Variants in IMMT observed in about 807,000 individuals in gnomAD.
IMMT encodes the protein MICOS complex subunit MIC60.
In IMMT, 40 loss-of-function variants were observed where a neutral mutation model predicts 92.7. That is an observed-to-expected ratio of 0.43 (90% CI 0.34 to 0.56). The LOEUF is 0.56. Ranked by LOEUF, IMMT falls within the 20% of genes least tolerant of loss-of-function variation. The pLI is 0.03. For synonymous variants in IMMT, 322 were observed against 336.1 expected, an observed-to-expected ratio of 0.96 and a Z score of 0.46; for missense variants, 831 against 912.1, an observed-to-expected ratio of 0.91 and a Z score of 1.14.
At chr2:86,185,134 T>C (rs113324637) in intron 1 of IMMT, among the ~76,000 whole-genome samples, 5,297 of 151,704 alleles carry the variant, frequency 0.035, 220 homozygotes, top group East Asian at 0.23. Context: ...GAGCCGAGAT[T>C]GCGCCAGCCT....
chr2:86,184,914 C>T (rs13403007), intron 1 of IMMT, among the ~76,000 whole-genome samples: 6,514 of 152,218 alleles, frequency 0.043, 493 homozygotes, highest in African/African-American at 0.15. Context: ...GTAGGCCAGG[C>T]GCGATGGCTT....
At position 86,144,337 on chromosome 2, in the gene IMMT, C is replaced by CT; in HGVS notation, c.2207dup (p.Ile737AspfsTer44). On this transcript the variant is annotated frameshift_variant, in exon 15 of 15. Coordinates refer to ENST00000410111, the MANE Select transcript of IMMT (RefSeq NM_006839.3). LOFTEE classifies it high-confidence loss of function. ...CATATGCTGTCAGGATTTCCACTAT[C>CT]TGTTTCGTTTCTAGGGTCATTCGGG... 6.2e-7 allele frequency: 1 copy of CT among 1,614,000 alleles called. No individual in the cohort carries two copies. The highest frequency in any genetic ancestry group is 2.2e-5 in the East Asian group (1 of 44,880).
At chr2:86,189,749 A>C (rs1278664795) in intron 1 of IMMT, among the ~76,000 whole-genome samples, 2 of 152,214 alleles carry the variant, frequency 1.3e-5, no homozygotes, top group Admixed American at 1.3e-4. Context: ...GCAGTTCTAC[A>C]TTTGAAATAT....
At position 86,144,593 on chromosome 2, in the gene IMMT, G is replaced by T; in HGVS notation, c.1952C>A (p.Thr651Asn). The T allele has an allele frequency of 6.2e-7, 1 of 1,614,006 alleles. No homozygotes were observed. The highest frequency in any genetic ancestry group is 8.5e-7 in the Non-Finnish European group (1 of 1,179,910). Residue 651 changes from threonine (T) to asparagine (N), a missense_variant, in exon 15 of 15, where the codon ACC becomes AAC. Thr to Asn is a moderately conservative substitution (Grantham distance 65). Coordinates refer to ENST00000410111, the MANE Select transcript of IMMT (RefSeq NM_006839.3). ...GAAGTACTGGTACAAGCTATTTCTG[G>T]TTTCATCAATCATTGCTACCCTTCG... ...LARRVAMIDE[T>N]RNSLYQYFLS...
chr2:86,178,534 GAGA>G (rs1677604369), intron 3 of IMMT, among the ~76,000 whole-genome samples: 1 of 151,884 alleles, frequency 6.6e-6, no homozygotes, highest in Non-Finnish European at 1.5e-5. Context: ...GCTGAGGCAG[GAGA>G]ATCGCTTGAA....
Position 86,175,343 on chromosome 2 carries a change from A to C in IMMT, c.310-1582T>G, listed in dbSNP as rs184854836. Among the ~76,000 whole-genome samples the C allele has an allele frequency of 1.8e-4, 27 of 152,266 alleles. No homozygotes were observed. The East Asian group carries it at 5.2e-3, about 29-fold the overall frequency. On this transcript the variant is annotated intron_variant, in intron 3 of 14. Transcript: ENST00000410111. Reference sequence around the variant, plus strand: ...GTGTATATAGACACATCATAAAAACATCATTTCTCTCTAATATATACATAT... The same window carrying C: ...GTGTATATAGACACATCATAAAAACCTCATTTCTCTCTAATATATACATAT...
chr2:86,147,227 C>T (rs891798460), intron 13 of IMMT, among the ~76,000 whole-genome samples: 8 of 152,178 alleles, frequency 5.3e-5, no homozygotes, highest in East Asian at 1.9e-4. Context: ...ACATACATCG[C>T]GATTCTCTGG....
At chr2:86,164,427 C>A (rs911667102) in intron 7 of IMMT, among the ~76,000 whole-genome samples, 1 of 151,876 alleles carries the variant, frequency 6.6e-6, no homozygotes, top group Non-Finnish European at 1.5e-5. Context: ...TGGTGGCTTA[C>A]GCCTATAATC....
At chr2:86,189,265 C>T (rs1271750299) in intron 1 of IMMT, among the ~76,000 whole-genome samples, 4 of 151,360 alleles carry the variant, frequency 2.6e-5, no homozygotes, top group East Asian at 3.9e-4. Context: ...GATGGAGTCT[C>T]GCTGTGACAC....
At chr2:86,145,026 C>T (rs1674889442) in intron 14 of IMMT, 145 bp from the exon 15 acceptor site, 2 of 941,970 alleles carry the variant, frequency 2.1e-6, no homozygotes, top group Non-Finnish European at 3.1e-6. Context: ...ACCCCCACCA[C>T]TTATTTCTGG....
intron 12 of IMMT, among the ~76,000 whole-genome samples, chr2:86,149,670 G>C (rs1157488690): frequency 3.3e-5 from 5 of 152,104 alleles, no homozygotes; most frequent in Non-Finnish European, 7.4e-5. Context: ...TTGAGGTCAG[G>C]AGTTCGAGAC....
intron 1 of IMMT, among the ~76,000 whole-genome samples, chr2:86,183,097 G>A (rs1483305404): frequency 1.3e-5 from 2 of 152,134 alleles, no homozygotes; most frequent in African/African-American, 4.8e-5. Flanking sequence ...AGAGGCCACT[G>A]AAGTTGTATT....
chr2:86,151,759 C>A (rs892850048), intron 11 of IMMT, among the ~76,000 whole-genome samples: 1 of 152,142 alleles, frequency 6.6e-6, no homozygotes, highest in Non-Finnish European at 1.5e-5. Flanking sequence ...TTCCAGGAAC[C>A]CTCTTTTAAT....
rs1674863717 is a variant in IMMT at position 86,144,750 on chromosome 2, T to C, written c.1795A>G (p.Ile599Val). 2 of 1,613,934 alleles carry C rather than the reference T, an allele frequency of 1.2e-6. No individual in the cohort carries two copies. Among genetic ancestry groups the C allele is most frequent in the African/African-American group, 2.7e-5 (2 of 75,052 alleles). ...TCATTATCAGAACAGTTGGCTTTGA[T>C]GGCCTCAACTGCACTACCCAGCGGG... ...TIPLGSAVEA[I>V]KANCSDNEFT... Residue 599 changes from isoleucine to valine, a missense_variant, in exon 15 of 15, where the codon ATC (isoleucine) becomes GTC (valine). By Grantham distance (29) the Ile-to-Val change is conservative. Coordinates refer to ENST00000410111, the MANE Select transcript of IMMT (RefSeq NM_006839.3).
At chr2:86,187,190 C>T (rs1221807972) in intron 1 of IMMT, among the ~76,000 whole-genome samples, 1 of 152,144 alleles carries the variant, frequency 6.6e-6, no homozygotes, top group Non-Finnish European at 1.5e-5. Flanking sequence ...AATCCTATAT[C>T]CATTAAGCAG....
intron 3 of IMMT, 45 bp downstream of exon 3, chr2:86,179,388 A>G (rs747170611): frequency 7.0e-7 from 1 of 1,429,572 alleles, no homozygotes; most frequent in African/African-American, 1.5e-5. Flanking sequence ...ACTTGCTTTT[A>G]AAGTATTTCA....
At chr2:86,154,792 C>T (rs1675731688) in intron 10 of IMMT, among the ~76,000 whole-genome samples, 1 of 152,116 alleles carries the variant, frequency 6.6e-6, no homozygotes, top group Non-Finnish European at 1.5e-5. Context: ...AGTGTGAACA[C>T]GTGACAGGAG....
At chr2:86,168,822 A>C (rs1411205332) in intron 6 of IMMT, among the ~76,000 whole-genome samples, 1 of 152,214 alleles carries the variant, frequency 6.6e-6, no homozygotes, top group Non-Finnish European at 1.5e-5. Flanking sequence ...AATTGACAGA[A>C]GTGATAGAAG....
chr2:86,169,677 T>C (rs764899097), intron 6 of IMMT, among the ~76,000 whole-genome samples: 1 of 148,824 alleles, frequency 6.7e-6, no homozygotes, highest in Non-Finnish European at 1.5e-5. Flanking sequence ...AATAAATTGA[T>C]AAATATCTAT....
Sources: allele counts gnomAD v4.1 joint callset (sites outside exome capture counted in the v4.1 genomes callset), GRCh38; gene constraint gnomAD v4.1.1; transcripts MANE v1.5; gene names NCBI Gene and HGNC (gene_info 2026-07-23, HGNC 2026-07-21).